KIF16B: variants seen among roughly 807,000 people sequenced by gnomAD.
KIF16B encodes kinesin family member 16B.
KIF16B carries 98 observed loss-of-function variants against 156.3 expected under a neutral mutation model. The observed-to-expected ratio is 0.63, with a 90% CI of 0.53 to 0.74. The LOEUF (loss-of-function observed/expected upper bound fraction) is 0.74. KIF16B is among the 30% of genes least tolerant of loss of function. The pLI is 0.00. For missense variants in KIF16B, 1,421 were observed against 1,606.5 expected, an observed-to-expected ratio of 0.88 and a Z score of 1.97; for synonymous variants, 564 against 583.7, an observed-to-expected ratio of 0.97 and a Z score of 0.49.
intron 25 of KIF16B, among the ~76,000 whole-genome samples, chr20:16,274,199 C>G (rs769103602): frequency 1.3e-5 from 2 of 151,966 alleles, no homozygotes; most frequent in Non-Finnish European, 2.9e-5. Context: ...AAAGGGAAAG[C>G]AATACTGAGG....
chr20:16,492,635 T>G (rs1270339308), intron 12 of KIF16B, among the ~76,000 whole-genome samples: 5 of 152,174 alleles, frequency 3.3e-5, no homozygotes, highest in African/African-American at 4.8e-5. Context: ...CAGGCTGTCA[T>G]AGTTCTCGGT....
chr20:16,397,260 A>T (rs1381533876), intron 17 of KIF16B, among the ~76,000 whole-genome samples: 2 of 152,206 alleles, frequency 1.3e-5, no homozygotes, highest in Non-Finnish European at 2.9e-5. Flanking sequence ...CACCTCTCCA[A>T]TGTGGAACTA....
chr20:16,364,161 T>A (rs2064608493), intron 22 of KIF16B, among the ~76,000 whole-genome samples: 1 of 152,184 alleles, frequency 6.6e-6, no homozygotes, highest in Non-Finnish European at 1.5e-5. Context: ...ATTTTTAAAG[T>A]AATGAGAACA....
chr20:16,553,059 C>A (rs1448976071), intron 1 of KIF16B, among the ~76,000 whole-genome samples: 1 of 152,200 alleles, frequency 6.6e-6, no homozygotes, highest in Non-Finnish European at 1.5e-5. Flanking sequence ...AGCCACCGTA[C>A]CCGGCCTCTA....
chr20:16,479,983 T>C (rs2067933276), intron 12 of KIF16B, among the ~76,000 whole-genome samples: 2 of 152,094 alleles, frequency 1.3e-5, no homozygotes, highest in African/African-American at 4.8e-5. Context: ...ACGTCTCCCT[T>C]GGAGGGAGGA....
At chr20:16,326,457 A>AAAAAAG (rs1460713346) in intron 24 of KIF16B, among the ~76,000 whole-genome samples, 1 of 151,842 alleles carries the variant, frequency 6.6e-6, no homozygotes, top group Non-Finnish European at 1.5e-5. Context: ...ATCAGCAAAA[A>AAAAAAG]AAAAAGAAAA....
At position 16,342,956 on chromosome 20, in the gene KIF16B, CA is replaced by C. The variant is rs1385009886; in HGVS notation, c.3622-6942del. Among the ~76,000 whole-genome samples the C allele has an allele frequency of 2.0e-5, 3 of 152,124 alleles. No individual in the cohort carries two copies. In the East Asian group the frequency reaches 5.8e-4, roughly 29 times the overall value. On this transcript the variant is annotated intron_variant, in intron 23 of 25. Coordinates refer to ENST00000354981, the MANE Select transcript of KIF16B (RefSeq NM_024704.5). ...GCTTGAGAAAAAATAGACAGAAAGG[CA>C]AAATTAAGAGACAAAATTAAAGCCC...
intron 15 of KIF16B, 116 bp downstream of exon 15, chr20:16,426,988 C>T: frequency 6.7e-6 from 6 of 893,450 alleles, no homozygotes; most frequent in Admixed American, 2.8e-5. Context: ...AACAGTCTCA[C>T]CCTTTTTATA....
At chr20:16,302,443 T>G (rs1241009489) in intron 25 of KIF16B, among the ~76,000 whole-genome samples, 1 of 152,246 alleles carries the variant, frequency 6.6e-6, no homozygotes, top group East Asian at 1.9e-4. Flanking sequence ...TATATCTATT[T>G]CTGGGCTCTC....
rs559273779 is a variant in KIF16B, at chr20:16,487,283, G to C, written c.1302+7008C>G. 3.8e-4 allele frequency among the ~76,000 whole-genome samples: 58 copies of C among 152,014 alleles called. 1 individual carries two copies. In the Middle Eastern group the frequency reaches 0.01, roughly 27 times the overall value. ...AAAAAGATTAACTGCATTTAAACGA[G>C]AGAGGCCACAAAAAATGTTGTCTCT... On this transcript the variant is annotated intron_variant, in intron 12 of 25. Coordinates refer to ENST00000354981, the MANE Select transcript of KIF16B (RefSeq NM_024704.5).
intron 18 of KIF16B, among the ~76,000 whole-genome samples, chr20:16,381,325 T>C (rs1255232452): frequency 6.6e-6 from 1 of 152,042 alleles, no homozygotes; most frequent in Non-Finnish European, 1.5e-5. Flanking sequence ...GGAAGGCAAA[T>C]TGTCATTCTT....
rs2065043147 is a variant in KIF16B, at chr20:16,379,706, C to T, written c.2296G>A (p.Glu766Lys). The T allele has an allele frequency of 6.2e-7, 1 of 1,614,180 alleles. No individual in the cohort carries two copies. Among genetic ancestry groups the T allele is most frequent in the Non-Finnish European group, 8.5e-7 (1 of 1,180,034 alleles). Reference sequence around the variant, plus strand: ...TCCTGCTTCTCTCGGAGCTGCTCTTCCAGATGGGCCACGAGCATGACCTGC... The same window carrying T: ...TCCTGCTTCTCTCGGAGCTGCTCTTTCAGATGGGCCACGAGCATGACCTGC... Reference protein sequence around the residue: ...KEQVMLVAHLEEQLREKQEMI... With the variant: ...KEQVMLVAHLKEQLREKQEMI... The change falls in exon 19 of 26, where the codon GAA (glutamate) becomes AAA (lysine). Residue 766 changes from glutamate to lysine, a missense_variant. Physicochemically the swap from Glu to Lys is moderately conservative, Grantham distance 56. Transcript: ENST00000354981.
intron 24 of KIF16B, 69 bp from the exon 25 acceptor site, chr20:16,312,487 A>G: frequency 8.7e-7 from 1 of 1,144,994 alleles, no homozygotes; most frequent in South Asian, 1.3e-5. Flanking sequence ...TTATTAATCT[A>G]TTATTTGAAA....
At chr20:16,307,910 T>C (rs1389088248) in intron 25 of KIF16B, among the ~76,000 whole-genome samples, 1 of 152,192 alleles carries the variant, frequency 6.6e-6, no homozygotes, top group Non-Finnish European at 1.5e-5. Flanking sequence ...CATTTGGATA[T>C]ACATATTTAT....
intron 12 of KIF16B, among the ~76,000 whole-genome samples, chr20:16,479,204 A>T (rs556285239): frequency 9.2e-5 from 14 of 152,354 alleles, no homozygotes; most frequent in Admixed American, 6.5e-4. Context: ...GGTCCTTTGC[A>T]GGGACATGGA....
rs57114751 is a variant in KIF16B, at chr20:16,469,254, T to TAAAAAAAAAAAAAAAAAAAAAAA, written c.1302+25014_1302+25036dup. On this transcript the variant is annotated intron_variant, in intron 12 of 25. Transcript: ENST00000354981. ...GGTGACAGAGCAGGACCCTGTGTCTTAAAAAAAAAAAAAAAAAAAAAAAAA... is the reference window on the plus strand; with the variant it reads ...GGTGACAGAGCAGGACCCTGTGTCTTAAAAAAAAAAAAAAAAAAAAAAAAAAAAAAAAAAAAAAAAAAAAAAAA... Among the ~76,000 whole-genome samples, 13 of 66,078 alleles carry TAAAAAAAAAAAAAAAAAAAAAAA rather than the reference T, an allele frequency of 2.0e-4. 1 individual carries two copies. The highest frequency in any genetic ancestry group is 7.7e-4 in the Admixed American group (4 of 5,206). 43.3% of individuals were successfully genotyped at this position (66,078 alleles called of 152,430 possible).
At chr20:16,298,055 G>C (rs2063417651) in intron 25 of KIF16B, among the ~76,000 whole-genome samples, 1 of 152,182 alleles carries the variant, frequency 6.6e-6, no homozygotes, top group Non-Finnish European at 1.5e-5. Context: ...ATGGCTTGTG[G>C]AATCTGGCTT....
intron 17 of KIF16B, 94 bp downstream of exon 17, chr20:16,404,719 A>G (rs1486428580): frequency 1.0e-6 from 1 of 957,698 alleles, no homozygotes; most frequent in African/African-American, 1.6e-5. Context: ...GCGCCGTTGC[A>G]GAAGTTTTAT....
intron 24 of KIF16B, among the ~76,000 whole-genome samples, chr20:16,333,937 G>T (rs769336346): frequency 9.2e-5 from 14 of 152,044 alleles, no homozygotes; most frequent in Admixed American, 1.3e-4. Flanking sequence ...CACTTTAAAT[G>T]GTAACTGCAA....
Sources: gnomAD v4.1 joint callset for allele counts (sites outside exome capture counted in the v4.1 genomes callset) on GRCh38, gnomAD v4.1.1 for gene constraint, MANE v1.5 for transcripts, NCBI Gene and HGNC (gene_info 2026-07-23, HGNC 2026-07-21) for gene names.